Variants in PKNOX2 observed in about 807,000 individuals in gnomAD.
PKNOX2 encodes the protein PBX/knotted 1 homeobox 2, also known as homeobox protein PKNOX2.
PKNOX2 carries 14 observed loss-of-function variants against 53.1 expected under a neutral mutation model. That is an observed-to-expected ratio of 0.26 (90% confidence interval 0.17 to 0.41). PKNOX2 has a LOEUF of 0.41. PKNOX2 is among the 10% of genes least tolerant of loss of function. The pLI is 1.00. For missense variants in PKNOX2, 496 were observed against 602.8 expected, an observed-to-expected ratio of 0.82 and a Z score of 1.85; for synonymous variants, 257 against 242.8, an observed-to-expected ratio of 1.06 and a Z score of -0.54.
chr11:125,193,356 T>C (rs569294690), intron 1 of PKNOX2, among the ~76,000 whole-genome samples: 2 of 152,330 alleles, frequency 1.3e-5, no homozygotes, highest in South Asian at 4.1e-4. Context: ...TTCTCGGCTC[T>C]AATTTATGGG....
At chr11:125,249,738 C>T (rs922635016) in intron 2 of PKNOX2, among the ~76,000 whole-genome samples, 1 of 152,090 alleles carries the variant, frequency 6.6e-6, no homozygotes, top group Non-Finnish European at 1.5e-5. Context: ...TTCTGTGTAC[C>T]AGGTTCTAAG....
In PKNOX2 at chr11:125,201,298, C is replaced by T. The variant is rs532990213; in HGVS notation, c.-200-33747C>T. On this transcript the variant is annotated intron_variant, in intron 1 of 12. Coordinates refer to ENST00000298282, the MANE Select transcript of PKNOX2 (RefSeq NM_001382323.2). ...GAGTGAAGCCCCCTCACTGCTGATG[C>T]CTAGAGCCTTTGGCCTGATGAGCTC... 3.3e-3 allele frequency among the ~76,000 whole-genome samples: 507 copies of T among 152,248 alleles called. 6 individuals are homozygous for T. The highest frequency in any genetic ancestry group is 0.024 in the East Asian group (126 of 5,174).
At chr11:125,167,741 A>C (rs1955001744) in intron 1 of PKNOX2, among the ~76,000 whole-genome samples, 1 of 152,198 alleles carries the variant, frequency 6.6e-6, no homozygotes, top group Non-Finnish European at 1.5e-5. Context: ...CTGCTTTCAA[A>C]AGGGGCTTTT....
At chr11:125,272,896 G>A (rs1347584721) in intron 2 of PKNOX2, among the ~76,000 whole-genome samples, 1 of 152,238 alleles carries the variant, frequency 6.6e-6, no homozygotes, top group Non-Finnish European at 1.5e-5. Context: ...GACAGAAGCA[G>A]CATTGAGCAC....
chr11:125,420,564 G>C (rs1461984035), intron 10 of PKNOX2, among the ~76,000 whole-genome samples: 1 of 152,136 alleles, frequency 6.6e-6, no homozygotes, highest in Non-Finnish European at 1.5e-5. Flanking sequence ...GTTGGTGGTA[G>C]AAGATGAAGG....
intron 1 of PKNOX2, among the ~76,000 whole-genome samples, chr11:125,204,564 C>G (rs751401603): frequency 3.3e-5 from 5 of 152,208 alleles, no homozygotes; most frequent in Non-Finnish European, 5.9e-5. Flanking sequence ...TTGCCTGGGA[C>G]TCTCCTGGTT....
chr11:125,294,336 C>A (rs185439128), intron 2 of PKNOX2, among the ~76,000 whole-genome samples: 49 of 152,146 alleles, frequency 3.2e-4, no homozygotes, highest in African/African-American at 1.2e-3. Flanking sequence ...CGAAAAGGCA[C>A]GAACCAGAGC....
chr11:125,247,642 T>C (rs1360822337), intron 2 of PKNOX2, among the ~76,000 whole-genome samples: 1 of 152,150 alleles, frequency 6.6e-6, no homozygotes, highest in African/African-American at 2.4e-5. Flanking sequence ...CTGGCATGCT[T>C]GAAGAGAGGT....
rs658641 is a variant in PKNOX2, at chr11:125,209,798, G to A, written c.-200-25247G>A. On this transcript the variant is annotated intron_variant, in intron 1 of 12. Transcript: ENST00000298282. ...CTCCCAAGGCCCTGAAAATAGAAAC[G>A]TCAAAAGCAGGAGGGAGTCATGTCC... Among the ~76,000 whole-genome samples the A allele has an allele frequency of 2.2e-3, 332 of 151,808 alleles. 5 individuals carry two copies. Among genetic ancestry groups the A allele is most frequent in the Non-Finnish European group, 3.8e-3 (255 of 67,852 alleles).
At chr11:125,428,845 C>A (rs1199676577) in intron 10 of PKNOX2, among the ~76,000 whole-genome samples, 167 bp from the exon 11 acceptor site, 1 of 152,180 alleles carries the variant, frequency 6.6e-6, no homozygotes, top group Non-Finnish European at 1.5e-5. Flanking sequence ...TCCTCCAAGC[C>A]CTAGGTCCAT....
Position 125,401,032 on chromosome 11 carries a change from G to A in PKNOX2, c.588+2970G>A, listed in dbSNP as rs534689130. 4.6e-5 allele frequency among the ~76,000 whole-genome samples: 7 copies of A among 152,010 alleles called. No individual in the cohort carries two copies. The South Asian group carries it at 1.3e-3, about 27-fold the overall frequency. Reference sequence around the variant, plus strand: ...AAGGTCTTGTGCAAGAAAGATGGCCGGGAAGTATTTATTGAAAGAAATAAT... The same window carrying A: ...AAGGTCTTGTGCAAGAAAGATGGCCAGGAAGTATTTATTGAAAGAAATAAT... On this transcript the variant is annotated intron_variant, in intron 7 of 12. Transcript: ENST00000298282.
intron 1 of PKNOX2, among the ~76,000 whole-genome samples, chr11:125,227,009 C>G (rs1941754978): frequency 6.6e-6 from 1 of 152,060 alleles, no homozygotes; most frequent in Non-Finnish European, 1.5e-5. Context: ...CTGCTCCTTC[C>G]CCTACTCCTA....
chr11:125,209,332 G>C lies in PKNOX2; in HGVS notation c.-200-25713G>C, dbSNP rs113344299. ...TTCAGTATAATGCCTATGGGTCTGG[G>C]TAGATTTTGCATGTTGTAGATCAAG... On this transcript the variant is annotated intron_variant, in intron 1 of 12. Transcript: ENST00000298282. 5.9e-3 allele frequency among the ~76,000 whole-genome samples: 890 copies of C among 152,130 alleles called. 14 individuals are homozygous for C. Among genetic ancestry groups the C allele is most frequent in the African/African-American group, 0.021 (866 of 41,520 alleles).
At chr11:125,179,693 T>G (rs35549817) in intron 1 of PKNOX2, among the ~76,000 whole-genome samples, 67,825 of 151,666 alleles carry the variant, frequency 0.45, 16,362 homozygotes, top group East Asian at 0.56. Flanking sequence ...GTAAACTGAG[T>G]CTGAGATTCT....
rs557951446 is a variant in PKNOX2, at chr11:125,352,830, A to G, written c.87+1438A>G. ...CTGCTCATGCCAGTAGCTTCCATTA[A>G]TAAGCCACAGGGTTGAACTTGGCCT... On this transcript the variant is annotated intron_variant, in intron 4 of 12. Coordinates refer to ENST00000298282, the MANE Select transcript of PKNOX2 (RefSeq NM_001382323.2). This position sits in a 1 kb window ranked among gnomAD's most constrained non-coding sequence, Gnocchi z 4.1. Among the ~76,000 whole-genome samples the G allele has an allele frequency of 7.3e-4, 111 of 152,330 alleles. No homozygotes were observed. Among genetic ancestry groups the G allele is most frequent in the African/African-American group, 8.7e-4 (36 of 41,578 alleles).
At chr11:125,401,806 C>T (rs966343509) in intron 7 of PKNOX2, among the ~76,000 whole-genome samples, 12 of 151,078 alleles carry the variant, frequency 7.9e-5, no homozygotes, top group African/African-American at 2.7e-4. Flanking sequence ...TGTGCACACG[C>T]GGGCACATGC....
chr11:125,339,165 T>A (rs1322717637), intron 3 of PKNOX2, among the ~76,000 whole-genome samples: 1 of 152,010 alleles, frequency 6.6e-6, no homozygotes, highest in African/African-American at 2.4e-5. Context: ...CCCGAGCCAG[T>A]GGGAGGTAGA....
chr11:125,272,942 G>A (rs189107743), intron 2 of PKNOX2, among the ~76,000 whole-genome samples: 1 of 152,338 alleles, frequency 6.6e-6, no homozygotes, highest in East Asian at 1.9e-4. Context: ...AGGGAGAATG[G>A]CCTGCAAGGG....
chr11:125,293,522 T>C (rs1947443538), intron 2 of PKNOX2, among the ~76,000 whole-genome samples: 1 of 152,200 alleles, frequency 6.6e-6, no homozygotes, highest in Non-Finnish European at 1.5e-5. Flanking sequence ...CCTTGTTCTT[T>C]GTCTGGCTTG....
Sources: gnomAD v4.1 joint callset for allele counts (sites outside exome capture counted in the v4.1 genomes callset) on GRCh38, gnomAD v4.1.1 for gene constraint, Gnocchi (gnomAD v3.1) non-coding constraint, MANE v1.5 for transcripts, NCBI Gene and HGNC (gene_info 2026-07-23, HGNC 2026-07-21) for gene names.